Variants in CLSTN1 observed in about 807,000 individuals in gnomAD.
The protein encoded by CLSTN1 is calsyntenin 1, also known as calsyntenin-1.
CLSTN1 carries 28 observed loss-of-function variants against 108.3 expected under a neutral mutation model. The observed-to-expected ratio is 0.26, with a 90% CI of 0.19 to 0.35. The LOEUF (loss-of-function observed/expected upper bound fraction) is 0.35, where lower values mean the gene tolerates loss of function less well. Ranked by LOEUF, CLSTN1 falls within the 10% of genes least tolerant of loss-of-function variation. CLSTN1 has a pLI of 1.00. For missense variants in CLSTN1, 1,157 were observed against 1,302.6 expected, an observed-to-expected ratio of 0.89 and a Z score of 1.72; for synonymous variants, 524 against 534.9, an observed-to-expected ratio of 0.98 and a Z score of 0.28.
intron 7 of CLSTN1, among the ~76,000 whole-genome samples, chr1:9,746,532 T>C (rs955670249): frequency 5.3e-5 from 8 of 152,128 alleles, no homozygotes; most frequent in African/African-American, 4.8e-5. Flanking sequence ...CTGGCCAATA[T>C]GGTGAAACTC....
intron 1 of CLSTN1, among the ~76,000 whole-genome samples, chr1:9,778,802 G>GTC (rs1378259335): frequency 6.6e-6 from 1 of 151,972 alleles, no homozygotes; most frequent in Non-Finnish European, 1.5e-5. Flanking sequence ...ATCACCTGAG[G>GTC]TCAGGAGTTC....
Position 9,733,267 on chromosome 1 carries a change from G to A in CLSTN1, c.2427+134C>T, listed in dbSNP as rs141755112. On this transcript the variant is annotated intron_variant, in intron 16 of 18. Transcript: ENST00000377298. ...GCAGCAGGCCCCAGGCTGGAAAGGC[G>A]ACCCCCTAGAATGAGCCTGTATAGC... 4.4e-4 allele frequency: 478 copies of A among 1,086,936 alleles called. 1 individual carries two copies. Among genetic ancestry groups the A allele is most frequent in the African/African-American group, 3.7e-3 (235 of 63,834 alleles). 67.3% of individuals were successfully genotyped at this position (1,086,936 alleles called of 1,614,324 possible).
chr1:9,823,572 GGGACCCGAATCCTGCACCC>G lies in CLSTN1; in HGVS notation c.91+52_91+70del, dbSNP rs1306138689. On this transcript the variant is annotated intron_variant, in intron 1 of 18. Transcript: ENST00000377298. This position sits in a 1 kb window ranked among gnomAD's most constrained non-coding sequence, Gnocchi z 6.3. ...GCACCCGGACCCGAATCCCCGCACC[GGGACCCGAATCCTGCACCC>G]GGACCCGAATCCCGCACCGACCCAG... The G allele has an allele frequency of 1.3e-5, 14 of 1,037,896 alleles. No homozygotes were observed. The South Asian group carries it at 1.4e-4, about 11-fold the overall frequency. The allele number at this position is 1,037,896 out of a possible 1,614,324, so 64.3% of individuals were successfully genotyped here. A position where few individuals can be genotyped will look rare whatever the true frequency, so the allele number is the denominator to read the frequency against.
At chr1:9,739,687 T>G (rs979262988) in intron 10 of CLSTN1, among the ~76,000 whole-genome samples, 2 of 152,034 alleles carry the variant, frequency 1.3e-5, no homozygotes. Flanking sequence ...TTATAAAAAA[T>G]TAAAATAATA....
intron 3 of CLSTN1, 37 bp from the exon 4 acceptor site, chr1:9,755,346 C>A: frequency 6.5e-7 from 1 of 1,540,078 alleles, no homozygotes; most frequent in Middle Eastern, 1.9e-4. Flanking sequence ...GAATTCCTAC[C>A]ACATAGATCT....
Position 9,755,222 on chromosome 1 carries a change from C to A in CLSTN1, c.332G>T (p.Arg111Leu), listed in dbSNP as rs758125751. ...CTCACAGTCCAGTTTCTCTTTGGAG[C>A]GAATGACTCCCTCACCAGTGGATTT... Reference protein sequence around the residue: ...VDKSTGEGVIRSKEKLDCELQ... With the variant: ...VDKSTGEGVILSKEKLDCELQ... Residue 111 changes from arginine (R) to leucine (L), a missense_variant, in exon 4 of 19, where the codon CGC becomes CTC. By Grantham distance (102) the Arg-to-Leu change is moderately radical. Coordinates refer to ENST00000377298, the MANE Select transcript of CLSTN1 (RefSeq NM_001009566.3). The A allele has an allele frequency of 1.2e-6, 2 of 1,614,060 alleles. No individual in the cohort carries two copies. Among genetic ancestry groups the A allele is most frequent in the Admixed American group, 1.7e-5 (1 of 60,020 alleles).
chr1:9,768,045 G>A (rs1652434257), intron 2 of CLSTN1, among the ~76,000 whole-genome samples: 1 of 152,140 alleles, frequency 6.6e-6, no homozygotes, highest in Non-Finnish European at 1.5e-5. Context: ...ATGATGAAAT[G>A]GAGGCACAGA....
At chr1:9,781,033 G>C (rs113262094) in intron 1 of CLSTN1, 4 of 516,602 alleles carry the variant, frequency 7.7e-6, no homozygotes, top group African/African-American at 5.9e-5. Context: ...TCACATTTCA[G>C]GTTTTGGGAT....
chr1:9,815,182 C>G (rs2101336680), intron 1 of CLSTN1, among the ~76,000 whole-genome samples: 2 of 152,194 alleles, frequency 1.3e-5, no homozygotes, highest in Admixed American at 1.3e-4. Flanking sequence ...TGGATGCCTG[C>G]AAAAATACAA....
chr1:9,813,316 GGT>G (rs1654842386), intron 1 of CLSTN1, among the ~76,000 whole-genome samples: 1 of 151,870 alleles, frequency 6.6e-6, no homozygotes, highest in Admixed American at 6.6e-5. Context: ...TGGGCAACCT[GGT>G]GAAACCCTGT....
intron 1 of CLSTN1, among the ~76,000 whole-genome samples, chr1:9,789,487 C>T (rs577857484): frequency 2.6e-5 from 4 of 151,468 alleles, no homozygotes; most frequent in African/African-American, 9.6e-5. Context: ...CCCATGTGCT[C>T]CTCACTAACC....
intron 2 of CLSTN1, among the ~76,000 whole-genome samples, chr1:9,763,847 C>T (rs907152450): frequency 5.9e-5 from 9 of 152,148 alleles, no homozygotes; most frequent in African/African-American, 2.2e-4. Context: ...GCAAACTCCA[C>T]CCACCCTTTA....
At chr1:9,805,922 C>T (rs1213479492) in intron 1 of CLSTN1, among the ~76,000 whole-genome samples, 1 of 150,832 alleles carries the variant, frequency 6.6e-6, no homozygotes, top group Middle Eastern at 3.5e-3. Flanking sequence ...TTTATCATTG[C>T]TATTTTAAAT....
intron 2 of CLSTN1, 140 bp downstream of exon 2, chr1:9,773,132 A>G: frequency 8.6e-7 from 1 of 1,158,414 alleles, no homozygotes; most frequent in Non-Finnish European, 1.2e-6. Flanking sequence ...GGAAAAAAAA[A>G]CATGCTACAA....
At position 9,734,468 on chromosome 1, in the gene CLSTN1, G is replaced by A. The variant is rs1403718505; in HGVS notation, c.2111-326C>T. Among the ~76,000 whole-genome samples the A allele has an allele frequency of 2.6e-5, 4 of 151,898 alleles. No homozygotes were observed. The highest frequency in any genetic ancestry group is 4.8e-5 in the African/African-American group (2 of 41,338). ...CAGGTCCCTGTAATCCCAGCTATTC[G>A]GGAGGCTGAGGCAGGAGAATCGCTT... On this transcript the variant is annotated intron_variant, in intron 14 of 18. Coordinates refer to ENST00000377298, the MANE Select transcript of CLSTN1 (RefSeq NM_001009566.3). The surrounding 1 kb of genome is among the most constrained non-coding windows in gnomAD (Gnocchi z 4.8).
intron 1 of CLSTN1, among the ~76,000 whole-genome samples, chr1:9,800,003 C>T (rs539401231): frequency 6.6e-5 from 10 of 151,992 alleles, no homozygotes; most frequent in Admixed American, 3.9e-4. Flanking sequence ...AAAGAAATAT[C>T]GAGGAGTTTT....
intron 1 of CLSTN1, among the ~76,000 whole-genome samples, chr1:9,817,095 G>A (rs944768494): frequency 2.6e-5 from 4 of 152,298 alleles, no homozygotes; most frequent in East Asian, 3.9e-4. Context: ...GGCCAGGTGC[G>A]GTAGCTCATA....
At chr1:9,769,306 T>A (rs963333865) in intron 2 of CLSTN1, among the ~76,000 whole-genome samples, 2 of 151,982 alleles carry the variant, frequency 1.3e-5, no homozygotes, top group African/African-American at 2.4e-5. Context: ...ACTAAAGGAC[T>A]GAAAACCTAT....
intron 1 of CLSTN1, among the ~76,000 whole-genome samples, chr1:9,798,428 C>T (rs1009585684): frequency 1.3e-5 from 2 of 152,102 alleles, no homozygotes; most frequent in Non-Finnish European, 2.9e-5. Context: ...ACAACATGTA[C>T]GAGCCTCAAA....
Sources: allele counts gnomAD v4.1 joint callset (sites outside exome capture counted in the v4.1 genomes callset), GRCh38; gene constraint gnomAD v4.1.1; non-coding constraint Gnocchi (gnomAD v3.1); transcripts MANE v1.5; gene names NCBI Gene and HGNC (gene_info 2026-07-23, HGNC 2026-07-21).